MECOM: variants seen among roughly 807,000 people sequenced by gnomAD.
The protein encoded by MECOM is histone-lysine N-methyltransferase MECOM.
A neutral mutation model predicts 116.3 loss-of-function variants in MECOM; 13 were observed. The observed-to-expected ratio is 0.11, with a 90% CI of 0.07 to 0.18. The LOEUF (loss-of-function observed/expected upper bound fraction) is 0.18. Ranked by LOEUF, MECOM falls within the 10% of genes least tolerant of loss-of-function variation. MECOM has a pLI of 1.00. For missense variants in MECOM, 1,299 were observed against 1,509.0 expected, an observed-to-expected ratio of 0.86 and a Z score of 2.31; for synonymous variants, 528 against 535.2, an observed-to-expected ratio of 0.99 and a Z score of 0.19.
rs574204860 is a variant in MECOM, at chr3:169,154,227, A to AAC, written c.376-10397_376-10396dup. Among the ~76,000 whole-genome samples the AAC allele has an allele frequency of 2.5e-4, 38 of 151,574 alleles. No homozygotes were observed. The East Asian group carries it at 4.3e-3, about 17-fold the overall frequency. On this transcript the variant is annotated intron_variant, in intron 2 of 16. Coordinates refer to ENST00000651503, the MANE Select transcript of MECOM (RefSeq NM_004991.4). ...CCAGAGCCCTAAAAACGAGGGTAGGAACACACACACACACATCTTGGACTA... is the reference window on the plus strand; with the variant it reads ...CCAGAGCCCTAAAAACGAGGGTAGGAACACACACACACACACATCTTGGACTA...
chr3:169,311,562 C>A (rs981606725), intron 2 of MECOM, among the ~76,000 whole-genome samples: 1 of 152,162 alleles, frequency 6.6e-6, no homozygotes, highest in African/African-American at 2.4e-5. Context: ...CTGTACAGTG[C>A]AAGCATATTT....
Position 169,115,559 on chromosome 3 carries a change from C to A in MECOM, c.2313G>T (p.Gln771His). 2 of 1,614,088 alleles carry A rather than the reference C, an allele frequency of 1.2e-6. No homozygotes were observed. Among genetic ancestry groups the A allele is most frequent in the East Asian group, 4.5e-5 (2 of 44,880 alleles). The change falls in exon 8 of 17, where the codon CAG (glutamine) becomes CAT (histidine). Residue 771 changes from glutamine to histidine, a missense_variant. Transcript: ENST00000651503. ...PPVTPATSQDQPLDLSMGSRS... is the reference protein window; with the variant it reads ...PPVTPATSQDHPLDLSMGSRS... ...TACTGCCCATACTTAGATCCAGGGG[C>A]TGGTCTTGGCTTGTGGCAGGTGTCA...
intron 2 of MECOM, among the ~76,000 whole-genome samples, chr3:169,315,220 G>T (rs988085402): frequency 6.6e-6 from 1 of 152,188 alleles, no homozygotes; most frequent in Non-Finnish European, 1.5e-5. Context: ...AGTCCAGAGG[G>T]CAACTGAGAA....
chr3:169,276,777 A>G (rs1391441757), intron 2 of MECOM, among the ~76,000 whole-genome samples: 2 of 152,356 alleles, frequency 1.3e-5, no homozygotes, highest in Admixed American at 1.3e-4. Context: ...AAAACAATGT[A>G]ATCACCTTAA....
At chr3:169,225,736 C>T (rs141280445) in intron 2 of MECOM, among the ~76,000 whole-genome samples, 4,438 of 152,160 alleles carry the variant, frequency 0.029, 207 homozygotes, top group African/African-American at 0.1. Context: ...CAGCCTCCTG[C>T]GTAGCTGGGA....
chr3:169,576,337 C>G (rs73174360), intron 1 of MECOM, among the ~76,000 whole-genome samples: 1,542 of 152,164 alleles, frequency 0.01, 12 homozygotes, highest in Middle Eastern at 0.02. Flanking sequence ...TTTAACGCAT[C>G]AAAAACCACA....
At chr3:169,118,340 T>C (rs969343782) in intron 7 of MECOM, among the ~76,000 whole-genome samples, 12 of 152,200 alleles carry the variant, frequency 7.9e-5, no homozygotes, top group African/African-American at 2.7e-4. Context: ...TGCATTTTAA[T>C]GGGAATAGAA....
chr3:169,375,364 CA>C (rs200029433), intron 2 of MECOM, among the ~76,000 whole-genome samples: 51 of 147,016 alleles, frequency 3.5e-4, no homozygotes, highest in African/African-American at 1.0e-3. Context: ...AAAAATCCTT[CA>C]AAAAAAAATC....
At chr3:169,139,212 C>T (rs571642714) in intron 3 of MECOM, among the ~76,000 whole-genome samples, 3 of 152,168 alleles carry the variant, frequency 2.0e-5, no homozygotes, top group South Asian at 4.1e-4. Context: ...AATCTCTTAT[C>T]GACACATTTC....
chr3:169,144,997 C>G, intron 2 of MECOM: 1 of 1,561,962 alleles, frequency 6.4e-7, no homozygotes, highest in Non-Finnish European at 8.7e-7. Context: ...ATTAACTCAC[C>G]ATATACTTCA....
intron 2 of MECOM, among the ~76,000 whole-genome samples, chr3:169,206,321 C>T (rs1255165883): frequency 6.6e-6 from 1 of 152,142 alleles, no homozygotes; most frequent in Non-Finnish European, 1.5e-5. Flanking sequence ...GCAATTATGA[C>T]TTCAGTGACT....
chr3:169,635,137 G>A (rs551342396), intron 1 of MECOM, among the ~76,000 whole-genome samples: 16 of 152,294 alleles, frequency 1.1e-4, no homozygotes, highest in Admixed American at 3.3e-4. Context: ...AAGCCAGGCC[G>A]CTGCTCTACC....
At chr3:169,334,924 C>T (rs1219921125) in intron 2 of MECOM, among the ~76,000 whole-genome samples, 1 of 152,044 alleles carries the variant, frequency 6.6e-6, no homozygotes, top group African/African-American at 2.4e-5. Context: ...TTAGACTTCC[C>T]TTGCATATCT....
chr3:169,530,965 C>T (rs1164758933), intron 1 of MECOM, among the ~76,000 whole-genome samples: 3 of 152,002 alleles, frequency 2.0e-5, no homozygotes, highest in South Asian at 2.1e-4. Flanking sequence ...TGTAGAATTT[C>T]GCCATGACTG....
At chr3:169,293,427 C>T (rs1714990025) in intron 2 of MECOM, among the ~76,000 whole-genome samples, 1 of 152,200 alleles carries the variant, frequency 6.6e-6, no homozygotes, top group Non-Finnish European at 1.5e-5. Flanking sequence ...TTCTTTGAAA[C>T]ATCAAGTTGG....
At chr3:169,360,222 A>G (rs1727984119) in intron 2 of MECOM, among the ~76,000 whole-genome samples, 2 of 150,750 alleles carry the variant, frequency 1.3e-5, no homozygotes, top group African/African-American at 4.9e-5. Flanking sequence ...CTGTAAGAAA[A>G]AAGCTCCTTT....
At chr3:169,296,420 A>G (rs1715613473) in intron 2 of MECOM, among the ~76,000 whole-genome samples, 1 of 152,202 alleles carries the variant, frequency 6.6e-6, no homozygotes, top group Non-Finnish European at 1.5e-5. Flanking sequence ...GTCCCTCAAC[A>G]GCTGCAATAA....
chr3:169,374,619 A>G (rs1730705635), intron 2 of MECOM, among the ~76,000 whole-genome samples: 1 of 151,994 alleles, frequency 6.6e-6, no homozygotes, highest in African/African-American at 2.4e-5. Context: ...TCTGCGTGCA[A>G]TTCTCACGTT....
chr3:169,123,108 T>G (rs1164271930), intron 5 of MECOM, among the ~76,000 whole-genome samples: 2 of 151,786 alleles, frequency 1.3e-5, no homozygotes, highest in African/African-American at 4.8e-5. Context: ...TAAGTGAGTA[T>G]TAAGCTCACA....
Sources: allele counts gnomAD v4.1 joint callset (sites outside exome capture counted in the v4.1 genomes callset), GRCh38; gene constraint gnomAD v4.1.1; transcripts MANE v1.5; gene names NCBI Gene and HGNC (gene_info 2026-07-23, HGNC 2026-07-21).